NPSR1: variants seen among roughly 807,000 people sequenced by gnomAD.
The protein encoded by NPSR1 is neuropeptide S receptor.
Under a neutral mutation model 46.9 loss-of-function variants are expected in NPSR1, and 48 were observed. The observed-to-expected ratio is 1.02, with a 90% CI of 0.81 to 1.30. The LOEUF is 1.30. NPSR1 is among the 50% of genes most tolerant of loss of function. NPSR1 has a pLI of 0.00. For synonymous variants in NPSR1, 176 were observed against 168.1 expected, an observed-to-expected ratio of 1.05 and a Z score of -0.36; for missense variants, 450 against 449.5, an observed-to-expected ratio of 1.00 and a Z score of -0.01.
chr7:34,727,723 C>T (rs1784228487), intron 2 of NPSR1, among the ~76,000 whole-genome samples: 1 of 152,188 alleles, frequency 6.6e-6, no homozygotes, highest in Non-Finnish European at 1.5e-5. Context: ...CTCAGTCAAT[C>T]TCACAGATCA....
rs564608742 is a variant in NPSR1, at chr7:34,869,235, G to A, written c.1026-8841G>A. Among the ~76,000 whole-genome samples, 78 of 151,668 alleles carry A rather than the reference G, an allele frequency of 5.1e-4. No individual in the cohort carries two copies. The Middle Eastern group carries it at 0.017, about 33-fold the overall frequency. ...GAGAAAGTGTCCTGCATAACCAAGC[G>A]GAGGCAAAAACCAGGGAAGCGTGGA... is the stretch of plus-strand genomic sequence containing the variant. On this transcript the variant is annotated intron_variant, in intron 8 of 8. Transcript: ENST00000359791.
chr7:34,729,844 C>G (rs1029378046), intron 2 of NPSR1, among the ~76,000 whole-genome samples: 2 of 152,232 alleles, frequency 1.3e-5, no homozygotes, highest in African/African-American at 2.4e-5. Flanking sequence ...ACGATCTCAA[C>G]TCACTGCAAC....
chr7:34,828,340 T>C (rs1158546034), intron 5 of NPSR1, among the ~76,000 whole-genome samples: 2 of 152,208 alleles, frequency 1.3e-5, no homozygotes, highest in Non-Finnish European at 2.9e-5. Flanking sequence ...TGGGGGAGGC[T>C]CAGTTGTGAA....
intron 2 of NPSR1, among the ~76,000 whole-genome samples, chr7:34,705,434 CAAAAA>C (rs67782714): frequency 4.5e-5 from 5 of 111,614 alleles, no homozygotes; most frequent in Admixed American, 1.0e-4. Context: ...GACTCCATAT[CAAAAA>C]AAAAAAAAAA....
In NPSR1 at chr7:34,865,762, T is replaced by G. The variant is rs1584156607; in HGVS notation, c.1026-12314T>G. ...GTCACATGGTCCCCTTTGGGCAAGC[T>G]TGGGTGAGAGTTAAAGGAGAAACAG... On this transcript the variant is annotated intron_variant, in intron 8 of 8. Coordinates refer to the NPSR1 transcript ENST00000359791. Among the ~76,000 whole-genome samples the G allele has an allele frequency of 2.0e-5, 3 of 151,684 alleles. No individual in the cohort carries two copies. In the East Asian group the frequency reaches 5.8e-4, roughly 29 times the overall value.
At chr7:34,761,544 G>A (rs1786173975) in intron 2 of NPSR1, among the ~76,000 whole-genome samples, 1 of 152,204 alleles carries the variant, frequency 6.6e-6, no homozygotes, top group African/African-American at 2.4e-5. Context: ...AGCAGAATGA[G>A]ATGAGAAACA....
intron 2 of NPSR1, among the ~76,000 whole-genome samples, chr7:34,745,227 G>A (rs779462993): frequency 2.6e-5 from 4 of 152,036 alleles, no homozygotes; most frequent in Non-Finnish European, 5.9e-5. Context: ...TGGGATTTTT[G>A]TTGGACTTTC....
chr7:34,732,588 A>C (rs991046528), intron 2 of NPSR1, among the ~76,000 whole-genome samples: 2 of 152,206 alleles, frequency 1.3e-5, no homozygotes, highest in Admixed American at 6.5e-5. Flanking sequence ...TCACTCATTC[A>C]TCATGCAGGC....
chr7:34,791,008 G>GTTATATTATATATGTTATATGTTATATA (rs1562730452), intron 3 of NPSR1, among the ~76,000 whole-genome samples: 8 of 102,196 alleles, frequency 7.8e-5, no homozygotes, highest in Non-Finnish European at 1.1e-4. Flanking sequence ...TATGTTATAT[G>GTTATATTATATATGTTATATGTTATATA]TTATATTATA....
chr7:34,859,109 C>T (rs1396014312), intron 8 of NPSR1, among the ~76,000 whole-genome samples: 1 of 151,594 alleles, frequency 6.6e-6, no homozygotes, highest in African/African-American at 2.4e-5. Context: ...GTCTTGGTTA[C>T]ATACAGAAAA....
In NPSR1 at chr7:34,849,960, T is replaced by G; in HGVS notation, c.*305T>G. 9.0e-7 allele frequency: 1 copy of G among 1,112,800 alleles called. No homozygotes were observed. The highest frequency in any genetic ancestry group is 1.1e-6 in the Non-Finnish European group (1 of 908,748). The allele number at this position is 1,112,800 out of a possible 1,614,324, so 68.9% of individuals were successfully genotyped here. A position where few individuals can be genotyped will look rare whatever the true frequency, so the allele number is the denominator to read the frequency against. ...GGCATTAGTGGTCCAGGGTCCTGGC[T>G]TGGAGCCAGTGAGTAGACAGGCAAG... On this transcript the variant is annotated 3_prime_UTR_variant, in exon 9 of 9. Transcript: ENST00000360581.
intron 7 of NPSR1, among the ~76,000 whole-genome samples, chr7:34,845,846 A>G (rs1418605917): frequency 6.6e-6 from 1 of 152,192 alleles, no homozygotes; most frequent in Non-Finnish European, 1.5e-5. Flanking sequence ...ACTATGCAAG[A>G]AGGAAAGGGA....
At chr7:34,845,041 C>T in intron 7 of NPSR1, 59 bp downstream of exon 7, 1 of 1,112,638 alleles carries the variant, frequency 9.0e-7, no homozygotes. Context: ...AGCAAGTTTG[C>T]TCCTGGGACC....
At chr7:34,675,376 A>C (rs1792264177) in intron 1 of NPSR1, among the ~76,000 whole-genome samples, 1 of 152,236 alleles carries the variant, frequency 6.6e-6, no homozygotes, top group Non-Finnish European at 1.5e-5. Flanking sequence ...CCTAACTGAA[A>C]AAGGAGATCA....
chr7:34,688,084 A>T (rs893338530), intron 2 of NPSR1, among the ~76,000 whole-genome samples: 1 of 152,186 alleles, frequency 6.6e-6, no homozygotes, highest in African/African-American at 2.4e-5. Context: ...GATACAACCT[A>T]CAAGTAAGAG....
rs324982 is a variant in NPSR1 at position 34,778,526 on chromosome 7, G to A, written c.345G>A (p.Thr115=). The A allele has an allele frequency of 1.5e-3, 2,439 of 1,612,876 alleles. 33 individuals are homozygous for A. In the African/African-American group the frequency reaches 0.027, roughly 18 times the overall value. Residue 115 remains threonine, a synonymous_variant, in exon 3 of 9, where the codon ACG becomes ACA. Coordinates refer to ENST00000360581, the MANE Select transcript of NPSR1 (RefSeq NM_207172.2). ...ATTGGCGATTCACTGGAGACTTCAC[G>A]GCACCTGACCTGGTTTGCCGAGTGG... ...DINWRFTGDF[T]APDLVCRVVR...
chr7:34,849,898 C>T lies in NPSR1; in HGVS notation c.*243C>T. 1 of 1,282,618 alleles carries T rather than the reference C, an allele frequency of 7.8e-7. No homozygotes were observed. The highest frequency in any genetic ancestry group is 9.9e-7 in the Non-Finnish European group (1 of 1,006,630). The allele number at this position is 1,282,618 out of a possible 1,614,324, so 79.5% of individuals were successfully genotyped here. On this transcript the variant is annotated 3_prime_UTR_variant, in exon 9 of 9. Coordinates refer to ENST00000360581, the MANE Select transcript of NPSR1 (RefSeq NM_207172.2). ...TTCCTTCCCCACCATTCCCAGCCCT[C>T]CTTCCCACTGGCCAGCACCTGAACC...
Position 34,736,258 on chromosome 7 carries a change from T to C in NPSR1, c.281-42204T>C, listed in dbSNP as rs533453434. 2.6e-5 allele frequency among the ~76,000 whole-genome samples: 4 copies of C among 152,306 alleles called. No individual in the cohort carries two copies. The South Asian group carries it at 8.3e-4, about 32-fold the overall frequency. On this transcript the variant is annotated intron_variant, in intron 2 of 8. Coordinates refer to ENST00000360581, the MANE Select transcript of NPSR1 (RefSeq NM_207172.2). ...CCCTCCCCGTCTCCTCTAGTCTTCA[T>C]ATAATAATACAATATAATAAAGGTA...
chr7:34,779,580 A>C lies in NPSR1; in HGVS notation c.384+1015A>C, dbSNP rs547052347. 114 of 1,278,932 alleles carry C rather than the reference A, an allele frequency of 8.9e-5. 6 individuals are homozygous for C. Among genetic ancestry groups the C allele is most frequent in the South Asian group, 1.8e-4 (8 of 45,036 alleles). 79.2% of individuals were successfully genotyped at this position (1,278,932 alleles called of 1,614,324 possible). A position where few individuals can be genotyped will look rare whatever the true frequency, so the allele number is the denominator to read the frequency against. ...AAGTTATTCCATATTCAGAAAATGA[A>C]TATGGAATAGTTACAATCTTCTTTT... On this transcript the variant is annotated intron_variant, in intron 3 of 8. Coordinates refer to ENST00000360581, the MANE Select transcript of NPSR1 (RefSeq NM_207172.2).
Sources: allele counts gnomAD v4.1 joint callset (sites outside exome capture counted in the v4.1 genomes callset), GRCh38; gene constraint gnomAD v4.1.1; transcripts MANE v1.5; gene names NCBI Gene and HGNC (gene_info 2026-07-23, HGNC 2026-07-21).